Variants in MICU1 observed in about 807,000 individuals in gnomAD.
MICU1 encodes the protein calcium uptake protein 1, mitochondrial.
A neutral mutation model predicts 56.8 loss-of-function variants in MICU1; 45 were observed. The observed-to-expected ratio is 0.79, with a 90% CI of 0.62 to 1.02. MICU1 has a LOEUF of 1.02. MICU1 is among the 50% of genes least tolerant of loss of function. The pLI, the probability that MICU1 is intolerant of heterozygous loss-of-function variation, is 0.00. For synonymous variants in MICU1, 186 were observed against 195.1 expected, an observed-to-expected ratio of 0.95 and a Z score of 0.39; for missense variants, 504 against 587.1, an observed-to-expected ratio of 0.86 and a Z score of 1.46.
In MICU1 at chr10:72,562,971, T is replaced by C. The variant is rs1218839629; in HGVS notation, c.254A>G (p.His85Arg). The C allele has an allele frequency of 6.2e-7, 1 of 1,610,484 alleles. No homozygotes were observed. Among genetic ancestry groups the C allele is most frequent in the Admixed American group, 1.7e-5 (1 of 59,426 alleles). Residue 85 changes from histidine to arginine, a missense_variant, in exon 3 of 12, where the codon CAT (histidine) becomes CGT (arginine). His to Arg is a conservative substitution (Grantham distance 29). Transcript: ENST00000361114. ...KNKDEGDVCNHEKKTADLAPH... is the reference protein window; with the variant it reads ...KNKDEGDVCNREKKTADLAPH... ...GGCAAGATCTGCAGTCTTTTTCTCA[T>C]GGTTACAAACATCCCCTTCATCTTT...
At chr10:72,433,395 T>C (rs1564865253) in intron 8 of MICU1, among the ~76,000 whole-genome samples, 1 of 150,488 alleles carries the variant, frequency 6.6e-6, no homozygotes, top group Admixed American at 6.6e-5. Flanking sequence ...TACAGGTGCA[T>C]GCCACCATGC....
intron 6 of MICU1, among the ~76,000 whole-genome samples, chr10:72,498,096 A>C (rs187850465): frequency 6.6e-6 from 1 of 152,228 alleles, no homozygotes. Flanking sequence ...CATTGCTTTT[A>C]AATTATGACA....
Position 72,375,916 on chromosome 10 carries a change from A to G in MICU1, c.1181-44T>C, listed in dbSNP as rs372865710. ...GCATTAGCACAGCAGAGGGATTTTC[A>G]TTTTGCTTTCTCTGATTCAGGGGAT... On this transcript the variant is annotated intron_variant, in intron 10 of 11. Transcript: ENST00000361114. 156 of 1,518,952 alleles carry G rather than the reference A, an allele frequency of 1.0e-4. No individual in the cohort carries two copies. In the Middle Eastern group the frequency reaches 2.1e-3, roughly 20 times the overall value. 94.1% of individuals were successfully genotyped at this position (1,518,952 alleles called of 1,614,324 possible).
At chr10:72,465,606 C>T (rs1424385298) in intron 8 of MICU1, among the ~76,000 whole-genome samples, 3 of 144,702 alleles carry the variant, frequency 2.1e-5, no homozygotes, top group South Asian at 2.3e-4. Context: ...CTCTGTCTCC[C>T]GGGTTCAAGT....
chr10:72,603,816 AAAAC>A (rs928073633), intron 1 of MICU1, among the ~76,000 whole-genome samples: 2 of 152,076 alleles, frequency 1.3e-5, no homozygotes, highest in African/African-American at 2.4e-5. Flanking sequence ...AAAACAAAAC[AAAAC>A]AAACAAACAA....
At chr10:72,405,464 A>G (rs954333966) in intron 10 of MICU1, among the ~76,000 whole-genome samples, 10 of 151,470 alleles carry the variant, frequency 6.6e-5, no homozygotes, top group African/African-American at 2.4e-4. Flanking sequence ...CAGGTGATCC[A>G]CCTGCCTCGG....
At chr10:72,465,644 G>A (rs1865773871) in intron 8 of MICU1, among the ~76,000 whole-genome samples, 4 of 150,496 alleles carry the variant, frequency 2.7e-5, no homozygotes, top group Admixed American at 1.3e-4. Flanking sequence ...CTCCCTACCA[G>A]CTGGAATTAC....
chr10:72,414,036 T>C (rs1401563884), intron 9 of MICU1, among the ~76,000 whole-genome samples: 1 of 152,204 alleles, frequency 6.6e-6, no homozygotes, highest in African/African-American at 2.4e-5. Context: ...CATGGAGATG[T>C]GAAATGGTTC....
At chr10:72,533,863 G>T in intron 4 of MICU1, 74 bp from the exon 5 acceptor site, 1 of 1,056,426 alleles carries the variant, frequency 9.5e-7, no homozygotes, top group Non-Finnish European at 1.4e-6. Flanking sequence ...ACAGCTCTTG[G>T]TTTTGTTTCC....
chr10:72,612,609 C>A (rs1841880059), intron 1 of MICU1, among the ~76,000 whole-genome samples: 1 of 152,004 alleles, frequency 6.6e-6, no homozygotes, highest in Non-Finnish European at 1.5e-5. Flanking sequence ...CCACTCTGGG[C>A]AAGATAGCAA....
At chr10:72,421,262 A>G (rs1373633439) in intron 9 of MICU1, among the ~76,000 whole-genome samples, 3 of 150,040 alleles carry the variant, frequency 2.0e-5, no homozygotes, top group Admixed American at 1.3e-4. Context: ...TTTTTTCTTT[A>G]TCTTTTTTTT....
At chr10:72,448,531 A>C (rs1205277609) in intron 8 of MICU1, among the ~76,000 whole-genome samples, 1 of 152,012 alleles carries the variant, frequency 6.6e-6, no homozygotes, top group Non-Finnish European at 1.5e-5. Flanking sequence ...TTTTTTAGAA[A>C]AGGAGAGCTA....
intron 6 of MICU1, among the ~76,000 whole-genome samples, chr10:72,507,365 T>C (rs1360867385): frequency 4.6e-5 from 7 of 152,158 alleles, no homozygotes; most frequent in Admixed American, 3.9e-4. Context: ...AACAAAGCTA[T>C]TGATAGTTTT....
intron 1 of MICU1, among the ~76,000 whole-genome samples, chr10:72,595,778 C>G (rs949622446): frequency 4.6e-5 from 7 of 152,120 alleles, no homozygotes; most frequent in African/African-American, 1.7e-4. Context: ...TTTATCTTCT[C>G]ACACGCTACC....
chr10:72,424,261 C>T (rs528998793), intron 8 of MICU1, among the ~76,000 whole-genome samples: 25 of 152,138 alleles, frequency 1.6e-4, no homozygotes, highest in African/African-American at 5.5e-4. Context: ...TACAGGTGCA[C>T]ACCACCACGC....
intron 8 of MICU1, among the ~76,000 whole-genome samples, chr10:72,468,287 GT>G (rs1248562475): frequency 3.3e-5 from 4 of 120,814 alleles, no homozygotes; most frequent in African/African-American, 1.4e-4. Context: ...CTACAAATTA[GT>G]TTTTGCTTTT....
intron 5 of MICU1, among the ~76,000 whole-genome samples, chr10:72,527,193 G>GT (rs34565195): frequency 8.6e-5 from 13 of 150,838 alleles, no homozygotes; most frequent in African/African-American, 1.2e-4. Context: ...AAACATCAAG[G>GT]TTTTTTTTTG....
chr10:72,370,368 G>A (rs552348801), intron 11 of MICU1, among the ~76,000 whole-genome samples: 1 of 152,222 alleles, frequency 6.6e-6, no homozygotes, highest in Non-Finnish European at 1.5e-5. Flanking sequence ...TGGGAAGAGT[G>A]TGGTAAGAAG....
chr10:72,473,338 T>G (rs946636605), intron 8 of MICU1: 7 of 152,236 alleles, frequency 4.6e-5, no homozygotes, highest in Non-Finnish European at 2.9e-5. Context: ...CCTCCTACCA[T>G]GAAGTTCAAA....
Sources: gnomAD v4.1 joint callset for allele counts (sites outside exome capture counted in the v4.1 genomes callset) on GRCh38, gnomAD v4.1.1 for gene constraint, MANE v1.5 for transcripts, NCBI Gene and HGNC (gene_info 2026-07-23, HGNC 2026-07-21) for gene names.